Variants in PSD3 observed in about 807,000 individuals in gnomAD.
PSD3 encodes the protein PH and SEC7 domain-containing protein 3.
Under a neutral mutation model 105.5 loss-of-function variants are expected in PSD3, and 49 were observed. The ratio of observed to expected loss-of-function variants is 0.46; its 90% CI spans 0.37 to 0.59. The LOEUF is 0.59. Ranked by LOEUF, PSD3 falls within the 20% of genes least tolerant of loss-of-function variation. The probability of loss-of-function intolerance (pLI) is 0.00; values close to 1 mark genes in which losing one functional copy is unlikely to be tolerated. For synonymous variants in PSD3, 557 were observed against 457.8 expected, an observed-to-expected ratio of 1.22 and a Z score of -2.77; for missense variants, 1,561 against 1,263.8, an observed-to-expected ratio of 1.24 and a Z score of -3.57.
intron 9 of PSD3, among the ~76,000 whole-genome samples, chr8:18,714,519 T>C (rs1802459709): frequency 6.6e-6 from 1 of 150,920 alleles, no homozygotes; most frequent in African/African-American, 2.4e-5. Context: ...CCAAGAAACT[T>C]ATGAAAAAAA....
chr8:18,710,306 G>C (rs1234313125), intron 9 of PSD3, among the ~76,000 whole-genome samples: 2 of 152,078 alleles, frequency 1.3e-5, no homozygotes, highest in East Asian at 3.9e-4. Context: ...AAAAAAATGA[G>C]AAGGAATGAA....
chr8:18,634,904 A>G (rs967547480), intron 10 of PSD3, among the ~76,000 whole-genome samples: 3 of 152,056 alleles, frequency 2.0e-5, no homozygotes, highest in South Asian at 2.1e-4. Flanking sequence ...TTTTGGGGAG[A>G]TATCTTGTAA....
chr8:18,916,244 G>T (rs571514947), intron 2 of PSD3, among the ~76,000 whole-genome samples: 1 of 143,828 alleles, frequency 7.0e-6, no homozygotes, highest in Non-Finnish European at 1.5e-5. Flanking sequence ...CAAGAGCCAA[G>T]ATATGAAATT....
intron 9 of PSD3, among the ~76,000 whole-genome samples, chr8:18,687,495 T>C (rs1261700351): frequency 6.6e-6 from 1 of 151,840 alleles, no homozygotes; most frequent in Non-Finnish European, 1.5e-5. Flanking sequence ...GTTTTTTTTT[T>C]TTCTGAAAAA....
intron 2 of PSD3, among the ~76,000 whole-genome samples, chr8:18,875,998 T>A (rs1436866823): frequency 1.3e-5 from 2 of 152,340 alleles, no homozygotes; most frequent in Middle Eastern, 3.4e-3. Context: ...ATACAATATA[T>A]GGCATTTGGG....
At chr8:18,565,812 A>G (rs919870382) in intron 14 of PSD3, among the ~76,000 whole-genome samples, 6 of 152,072 alleles carry the variant, frequency 3.9e-5, no homozygotes, top group African/African-American at 1.4e-4. Context: ...AGTGGGTTGG[A>G]TTTTGACCCC....
At chr8:18,619,999 A>G (rs1383226495) in intron 11 of PSD3, among the ~76,000 whole-genome samples, 1 of 152,130 alleles carries the variant, frequency 6.6e-6, no homozygotes, top group Non-Finnish European at 1.5e-5. Flanking sequence ...GTCTGAAAAG[A>G]GACATTTATA....
intron 2 of PSD3, among the ~76,000 whole-genome samples, chr8:18,932,779 T>C (rs1263751357): frequency 6.6e-6 from 1 of 152,202 alleles, no homozygotes; most frequent in Non-Finnish European, 1.5e-5. Context: ...GTCTGCAGAC[T>C]AACCAGGCTA....
At chr8:19,038,259 C>T (rs906342530) in intron 1 of PSD3, among the ~76,000 whole-genome samples, 1 of 152,172 alleles carries the variant, frequency 6.6e-6, no homozygotes, top group African/African-American at 2.4e-5. Flanking sequence ...GAGCTCCTCT[C>T]ATCCCCATAA....
At chr8:18,968,646 GCA>G (rs1824436022) in intron 1 of PSD3, among the ~76,000 whole-genome samples, 1 of 152,160 alleles carries the variant, frequency 6.6e-6, no homozygotes, top group African/African-American at 2.4e-5. Flanking sequence ...GGAGACCGAG[GCA>G]GGCAGATCAC....
chr8:18,891,985 T>C (rs1818811874), intron 2 of PSD3, among the ~76,000 whole-genome samples: 1 of 152,100 alleles, frequency 6.6e-6, no homozygotes, highest in South Asian at 2.1e-4. Flanking sequence ...CAACACACAG[T>C]TAAAAGAATA....
At chr8:18,673,558 A>G (rs934830342) in intron 9 of PSD3, among the ~76,000 whole-genome samples, 7 of 152,174 alleles carry the variant, frequency 4.6e-5, no homozygotes, top group African/African-American at 1.7e-4. Flanking sequence ...GCTGGTTTCT[A>G]TCTCCGGCAC....
intron 15 of PSD3, among the ~76,000 whole-genome samples, chr8:18,548,616 A>G (rs757208614): frequency 1.3e-5 from 2 of 152,116 alleles, no homozygotes; most frequent in Non-Finnish European, 2.9e-5. Flanking sequence ...AGAGCCTCCC[A>G]TTTGCGTGCC....
intron 4 of PSD3, among the ~76,000 whole-genome samples, chr8:18,818,683 AC>A (rs34956959): frequency 0.14 from 20,892 of 150,874 alleles, 1,688 homozygotes; most frequent in African/African-American, 0.23. Context: ...TCCTCTCCAT[AC>A]CCCCCCCAAC....
intron 1 of PSD3, among the ~76,000 whole-genome samples, chr8:18,988,230 CAA>C (rs1180160851): frequency 6.6e-6 from 1 of 152,012 alleles, no homozygotes; most frequent in Non-Finnish European, 1.5e-5. Context: ...GAGTCCTTTG[CAA>C]AGATTTGACT....
At chr8:18,594,899 T>A (rs180850122) in intron 12 of PSD3, among the ~76,000 whole-genome samples, 1 of 152,272 alleles carries the variant, frequency 6.6e-6, no homozygotes, top group Admixed American at 6.5e-5. Flanking sequence ...ACTTTTTTTT[T>A]CTGAATATTT....
chr8:18,700,568 A>G (rs2131034846), intron 9 of PSD3, among the ~76,000 whole-genome samples: 1 of 152,380 alleles, frequency 6.6e-6, no homozygotes, highest in East Asian at 1.9e-4. Flanking sequence ...AAGAATAAGC[A>G]TAAGCACAAC....
At chr8:18,967,312 T>C (rs1018263850) in intron 1 of PSD3, among the ~76,000 whole-genome samples, 5 of 152,064 alleles carry the variant, frequency 3.3e-5, no homozygotes, top group Non-Finnish European at 7.4e-5. Flanking sequence ...TGCACCACCA[T>C]GCCCGGCTAA....
At chr8:18,590,207 A>G (rs1049154883) in intron 12 of PSD3, among the ~76,000 whole-genome samples, 1 of 152,234 alleles carries the variant, frequency 6.6e-6, no homozygotes, top group Non-Finnish European at 1.5e-5. Context: ...AAAATTTAAA[A>G]TAACAATAAA....
Sources: allele counts gnomAD v4.1 joint callset (sites outside exome capture counted in the v4.1 genomes callset), GRCh38; gene constraint gnomAD v4.1.1; transcripts MANE v1.5; gene names NCBI Gene and HGNC (gene_info 2026-07-23, HGNC 2026-07-21).